Variants in MYO3B observed in about 807,000 individuals in gnomAD.
The protein encoded by MYO3B is myosin IIIB.
MYO3B carries 156 observed loss-of-function variants against 174.6 expected under a neutral mutation model. The ratio of observed to expected loss-of-function variants is 0.89; its 90% CI spans 0.78 to 1.02. The LOEUF (loss-of-function observed/expected upper bound fraction) is 1.02. MYO3B is among the 50% of genes least tolerant of loss of function. The pLI is 0.00. For synonymous variants in MYO3B, 563 were observed against 569.1 expected (o/e 0.99, Z 0.15); for missense variants, 1,632 against 1,639.4 (o/e 1.00, Z 0.08).
intron 32 of MYO3B, among the ~76,000 whole-genome samples, chr2:170,572,195 C>T (rs1279389885): frequency 6.6e-6 from 1 of 151,970 alleles, no homozygotes; most frequent in Admixed American, 6.6e-5. Flanking sequence ...TTTAGGAGGC[C>T]GAGGCGGGTG....
intron 22 of MYO3B, among the ~76,000 whole-genome samples, chr2:170,425,949 T>G (rs1353589027): frequency 6.6e-6 from 1 of 152,166 alleles, no homozygotes; most frequent in Non-Finnish European, 1.5e-5. Context: ...TTTAGCATGG[T>G]ATGTACAACA....
rs77631450 is a variant in MYO3B at position 170,565,855 on chromosome 2, G to A, written c.3733+21867G>A. Among the ~76,000 whole-genome samples the A allele has an allele frequency of 8.3e-3, 1,264 of 152,226 alleles. 14 individuals carry two copies. Among genetic ancestry groups the A allele is most frequent in the African/African-American group, 0.028 (1,179 of 41,518 alleles). On this transcript the variant is annotated intron_variant, in intron 32 of 34. Coordinates refer to ENST00000408978, the MANE Select transcript of MYO3B (RefSeq NM_138995.5). ...TTTCGATGAGAGAAAAATTAACTGGGTTATCTGATTGATAAGCATAATCAT... is the reference window on the plus strand; with the variant it reads ...TTTCGATGAGAGAAAAATTAACTGGATTATCTGATTGATAAGCATAATCAT...
intron 32 of MYO3B, among the ~76,000 whole-genome samples, chr2:170,625,681 G>A (rs1696351383): frequency 6.6e-6 from 1 of 152,086 alleles, no homozygotes; most frequent in Non-Finnish European, 1.5e-5. Context: ...GCTTTCTCTT[G>A]TGGGCATTTA....
intron 22 of MYO3B, among the ~76,000 whole-genome samples, chr2:170,438,445 A>G (rs1574978704): frequency 6.6e-6 from 1 of 152,256 alleles, no homozygotes; most frequent in East Asian, 1.9e-4. Context: ...GTAAATACTC[A>G]GAAGAGGGAT....
Position 170,651,734 on chromosome 2 carries a change from T to A in MYO3B, c.3840T>A (p.Asn1280Lys). The A allele has an allele frequency of 2.5e-6, 4 of 1,612,862 alleles. No individual in the cohort carries two copies. The highest frequency in any genetic ancestry group is 3.4e-6 in the Non-Finnish European group (4 of 1,178,968). The change falls in exon 33 of 35, where the codon AAT (asparagine) becomes AAA (lysine). Residue 1280 changes from asparagine (N) to lysine (K), a missense_variant and splice_region_variant. Physicochemically the swap from Asn to Lys is moderately conservative, Grantham distance 94. Transcript: ENST00000408978. ...ACACCATGTACTATAACCAGTTAAA[T>A]GTGAGTTCAAAGTGGCCGTAAAGCT... ...PEDTMYYNQL[N>K]GTLEYQGSKR...
In MYO3B at chr2:170,653,298, C is replaced by G; in HGVS notation, c.*177C>G. ...ACATCTTATCCTATCCTCTACCACT[C>G]TCCCACATGTGTTGTGCAGCCTGAG... On this transcript the variant is annotated 3_prime_UTR_variant, in exon 35 of 35. Coordinates refer to ENST00000408978, the MANE Select transcript of MYO3B (RefSeq NM_138995.5). The G allele has an allele frequency of 1.4e-6, 1 of 703,322 alleles. No individual in the cohort carries two copies. The highest frequency in any genetic ancestry group is 2.0e-5 in the South Asian group (1 of 50,890). The allele number at this position is 703,322 out of a possible 1,614,324, so 43.6% of individuals were successfully genotyped here.
In MYO3B at chr2:170,619,737, C is replaced by CTTTTTTTTTTTTTTTTTTTTTTTTT. The variant is rs71412032; in HGVS notation, c.3734-31888_3734-31864dup. On this transcript the variant is annotated intron_variant, in intron 32 of 34. Transcript: ENST00000408978. ...GATGGCCCATCACTGCTGCCATATT[C>CTTTTTTTTTTTTTTTTTTTTTTTTT]TTTTTTTTTTTTTTTTTTTTTTTTT... Among the ~76,000 whole-genome samples, 6 of 50,780 alleles carry CTTTTTTTTTTTTTTTTTTTTTTTTT rather than the reference C, an allele frequency of 1.2e-4. 2 individuals are homozygous for CTTTTTTTTTTTTTTTTTTTTTTTTT. The highest frequency in any genetic ancestry group is 2.5e-4 in the African/African-American group (3 of 12,078). The allele number at this position is 50,780 out of a possible 152,430, so 33.3% of individuals were successfully genotyped here. A position where few individuals can be genotyped will look rare whatever the true frequency, so the allele number is the denominator to read the frequency against.
intron 25 of MYO3B, among the ~76,000 whole-genome samples, chr2:170,486,704 G>A (rs1686087837): frequency 1.3e-5 from 2 of 152,164 alleles, no homozygotes; most frequent in African/African-American, 4.8e-5. Context: ...GCTTTCATCA[G>A]TAGCATTCTT....
At chr2:170,193,696 T>C (rs988933173) in intron 1 of MYO3B, among the ~76,000 whole-genome samples, 24 of 152,260 alleles carry the variant, frequency 1.6e-4, no homozygotes, top group Non-Finnish European at 2.8e-4. Context: ...TTTTAGAGAT[T>C]TGATAACTTT....
chr2:170,257,784 CG>C (rs1559340048), intron 7 of MYO3B, among the ~76,000 whole-genome samples: 1 of 151,922 alleles, frequency 6.6e-6, no homozygotes, highest in Non-Finnish European at 1.5e-5. Context: ...TGAAACCAAA[CG>C]TTGGTTATTT....
chr2:170,461,847 G>A (rs1184455831), intron 23 of MYO3B, among the ~76,000 whole-genome samples: 1 of 152,146 alleles, frequency 6.6e-6, no homozygotes. Context: ...GAGGTCGGCG[G>A]GGCCGGGGTA....
At chr2:170,344,030 C>T (rs562687833) in intron 8 of MYO3B, 55 of 152,370 alleles carry the variant, frequency 3.6e-4, no homozygotes, top group African/African-American at 1.2e-3. Context: ...TGGCAGCCAC[C>T]TGGGCTCCTG....
chr2:170,592,962 A>T (rs1428367709), intron 32 of MYO3B, among the ~76,000 whole-genome samples: 3 of 152,134 alleles, frequency 2.0e-5, no homozygotes, highest in Non-Finnish European at 4.4e-5. Flanking sequence ...ATATATATCT[A>T]TAGATAGAGA....
At chr2:170,542,473 C>T (rs376489505) in intron 30 of MYO3B, among the ~76,000 whole-genome samples, 4 of 152,238 alleles carry the variant, frequency 2.6e-5, no homozygotes, top group Non-Finnish European at 4.4e-5. Context: ...ACCTTTCAAA[C>T]TACGCCCAAC....
At chr2:170,232,566 T>C (rs1428028489) in intron 6 of MYO3B, among the ~76,000 whole-genome samples, 2 of 152,254 alleles carry the variant, frequency 1.3e-5, no homozygotes, top group Non-Finnish European at 2.9e-5. Context: ...ATAGCACTTA[T>C]ATGGCAATGA....
intron 25 of MYO3B, among the ~76,000 whole-genome samples, chr2:170,472,677 T>C (rs62170720): frequency 0.18 from 16,527 of 91,634 alleles, 1,104 homozygotes; most frequent in Admixed American, 0.24. Flanking sequence ...TTTTATCTAT[T>C]TATTTATTTA....
rs964196251 is a variant in MYO3B at position 170,178,151 on chromosome 2, C to A, written c.-137C>A. 6 of 1,071,490 alleles carry A rather than the reference C, an allele frequency of 5.6e-6. No homozygotes were observed. Among genetic ancestry groups the A allele is most frequent in the South Asian group, 3.8e-5 (3 of 78,724 alleles). The allele number at this position is 1,071,490 out of a possible 1,614,324, so 66.4% of individuals were successfully genotyped here. On this transcript the variant is annotated 5_prime_UTR_variant, in exon 1 of 35. Transcript: ENST00000408978. ...GGCTAACACCTCTTGGAACCTAGAT[C>A]GAAAGTCCTTTGGTAATGATGTGTC...
intron 32 of MYO3B, among the ~76,000 whole-genome samples, chr2:170,567,775 A>G (rs1253528860): frequency 6.6e-6 from 1 of 152,222 alleles, no homozygotes; most frequent in African/African-American, 2.4e-5. Context: ...GGAGAGTAGC[A>G]TCTTAAGTAG....
chr2:170,410,604 A>C (rs1297806712), intron 22 of MYO3B, among the ~76,000 whole-genome samples: 1 of 151,600 alleles, frequency 6.6e-6, no homozygotes, highest in Non-Finnish European at 1.5e-5. Flanking sequence ...AAAAAAAAAA[A>C]AAAAAAACTT....
Sources: allele counts gnomAD v4.1 joint callset (sites outside exome capture counted in the v4.1 genomes callset), GRCh38; gene constraint gnomAD v4.1.1; transcripts MANE v1.5; gene names NCBI Gene and HGNC (gene_info 2026-07-23, HGNC 2026-07-21).